Variants in NDST4 observed in about 807,000 individuals in gnomAD.
NDST4 encodes N-heparan sulfate sulfotransferase 4.
In NDST4, 63 loss-of-function variants were observed where a neutral mutation model predicts 100.8. The observed-to-expected ratio is 0.62, with a 90% confidence interval of 0.51 to 0.77. The LOEUF is 0.77. Ranked by LOEUF, NDST4 falls within the 30% of genes least tolerant of loss-of-function variation. The pLI is 0.00. For synonymous variants in NDST4, 377 were observed against 361.8 expected (o/e 1.04, Z -0.48); for missense variants, 943 against 1,018.4 (o/e 0.93, Z 1.01).
At chr4:115,063,719 C>T (rs1322093873) in intron 2 of NDST4, among the ~76,000 whole-genome samples, 1 of 151,802 alleles carries the variant, frequency 6.6e-6, no homozygotes, top group African/African-American at 2.4e-5. Context: ...CAGAAAATAT[C>T]CCAGTGGACT....
intron 6 of NDST4, among the ~76,000 whole-genome samples, chr4:114,895,427 T>C (rs1724692959): frequency 6.6e-6 from 1 of 152,052 alleles, no homozygotes; most frequent in Admixed American, 6.6e-5. Flanking sequence ...CTACCAAGAC[T>C]AAACCAGGAA....
At chr4:114,876,050 C>G (rs757661002) in intron 6 of NDST4, among the ~76,000 whole-genome samples, 1 of 152,088 alleles carries the variant, frequency 6.6e-6, no homozygotes, top group Non-Finnish European at 1.5e-5. Flanking sequence ...AAATCATGTG[C>G]AGAATAGTCA....
intron 2 of NDST4, among the ~76,000 whole-genome samples, chr4:114,986,585 A>G (rs929655592): frequency 2.0e-5 from 3 of 151,858 alleles, no homozygotes; most frequent in African/African-American, 7.3e-5. Flanking sequence ...ATTTCAGTTC[A>G]TAAAGATCAT....
At chr4:114,836,025 T>C (rs1446757564) in intron 11 of NDST4, among the ~76,000 whole-genome samples, 2 of 152,254 alleles carry the variant, frequency 1.3e-5, no homozygotes, top group East Asian at 3.8e-4. Flanking sequence ...GAGATGGGTC[T>C]CCTGAATACA....
intron 1 of NDST4, among the ~76,000 whole-genome samples, chr4:115,085,850 T>A (rs2126292978): frequency 6.6e-6 from 1 of 152,250 alleles, no homozygotes; most frequent in East Asian, 1.9e-4. Context: ...AAATTACAGG[T>A]CACCAACAAG....
chr4:114,864,058 T>A (rs1723973853), intron 7 of NDST4, among the ~76,000 whole-genome samples: 1 of 152,230 alleles, frequency 6.6e-6, no homozygotes, highest in Non-Finnish European at 1.5e-5. Flanking sequence ...ATCTAGTTAT[T>A]CAAAGTCTAC....
chr4:114,982,396 G>C (rs1364386597), intron 2 of NDST4, among the ~76,000 whole-genome samples: 1 of 152,114 alleles, frequency 6.6e-6, no homozygotes, highest in African/African-American at 2.4e-5. Context: ...GGTCATTCTT[G>C]CTATATTTTA....
At chr4:114,849,649 A>G (rs1418654246) in intron 8 of NDST4, among the ~76,000 whole-genome samples, 1 of 152,232 alleles carries the variant, frequency 6.6e-6, no homozygotes, top group Non-Finnish European at 1.5e-5. Flanking sequence ...AAGACATGTT[A>G]AAACACCTAG....
At chr4:115,057,755 CA>C (rs1353512928) in intron 2 of NDST4, among the ~76,000 whole-genome samples, 101 of 150,174 alleles carry the variant, frequency 6.7e-4, no homozygotes, top group African/African-American at 2.4e-3. Context: ...CACACACACA[CA>C]CACCAAAAAG....
intron 4 of NDST4, among the ~76,000 whole-genome samples, chr4:114,938,060 C>T (rs771330377): frequency 5.3e-5 from 8 of 152,114 alleles, no homozygotes; most frequent in Non-Finnish European, 7.4e-5. Context: ...GAAGAAGAAC[C>T]TAGTGACAGC....
intron 11 of NDST4, among the ~76,000 whole-genome samples, chr4:114,839,041 T>C (rs182809019): frequency 6.6e-6 from 1 of 152,272 alleles, no homozygotes; most frequent in African/African-American, 2.4e-5. Context: ...AGTTGAGAGT[T>C]GTTGCCCATA....
intron 1 of NDST4, among the ~76,000 whole-genome samples, chr4:115,111,228 G>A (rs547241939): frequency 2.0e-5 from 3 of 151,992 alleles, no homozygotes; most frequent in South Asian, 2.1e-4. Context: ...TATTTAGTAC[G>A]TTTAAGAACT....
At chr4:114,908,814 T>C (rs910791853) in intron 6 of NDST4, among the ~76,000 whole-genome samples, 1 of 152,206 alleles carries the variant, frequency 6.6e-6, no homozygotes, top group Non-Finnish European at 1.5e-5. Flanking sequence ...ATTAAGTCCA[T>C]ACTTTAAATA....
Position 114,986,793 on chromosome 4 carries a change from C to CATATGTATAT in NDST4, c.979-9520_979-9519insATATACATAT, listed in dbSNP as rs1218840726. The stretch of plus-strand genomic sequence containing the variant: ...CCTCTAAGCCTGGTATCCAATTATA[C>CATATGTATAT]ATATATATATATATATATATATATA... On this transcript the variant is annotated intron_variant, in intron 2 of 13. Transcript: ENST00000264363. 1.4e-3 allele frequency among the ~76,000 whole-genome samples: 127 copies of CATATGTATAT among 91,124 alleles called. 5 individuals carry two copies. The highest frequency in any genetic ancestry group is 5.4e-3 in the African/African-American group (120 of 22,098). The allele number at this position is 91,124 out of a possible 152,430, so 59.8% of individuals were successfully genotyped here. A position where few individuals can be genotyped will look rare whatever the true frequency, so the allele number is the denominator to read the frequency against.
intron 2 of NDST4, among the ~76,000 whole-genome samples, chr4:115,021,171 A>G (rs1339551734): frequency 6.6e-6 from 1 of 151,890 alleles, no homozygotes; most frequent in Non-Finnish European, 1.5e-5. Flanking sequence ...ATGCCCATCA[A>G]TCAGTGAGTG....
chr4:115,067,193 C>T (rs1728967696), intron 2 of NDST4, among the ~76,000 whole-genome samples: 1 of 152,128 alleles, frequency 6.6e-6, no homozygotes, highest in South Asian at 2.1e-4. Flanking sequence ...GCCATCCACC[C>T]AATTCTTGCT....
chr4:114,952,296 G>A (rs990584366), intron 4 of NDST4, among the ~76,000 whole-genome samples: 1 of 152,072 alleles, frequency 6.6e-6, no homozygotes, highest in Admixed American at 6.6e-5. Flanking sequence ...TTTGTAGGGG[G>A]CATTTATGTC....
At chr4:114,843,431 T>C (rs1723474617) in intron 10 of NDST4, among the ~76,000 whole-genome samples, 1 of 152,246 alleles carries the variant, frequency 6.6e-6, no homozygotes, top group African/African-American at 2.4e-5. Flanking sequence ...CTACAGATCA[T>C]GTTTTCTCAG....
At chr4:115,035,682 T>C (rs1436690269) in intron 2 of NDST4, among the ~76,000 whole-genome samples, 2 of 152,054 alleles carry the variant, frequency 1.3e-5, no homozygotes, top group Non-Finnish European at 2.9e-5. Context: ...AGTTGACTTT[T>C]ATTCTATATG....
Sources: allele counts gnomAD v4.1 joint callset (sites outside exome capture counted in the v4.1 genomes callset), GRCh38; gene constraint gnomAD v4.1.1; transcripts MANE v1.5; gene names NCBI Gene and HGNC (gene_info 2026-07-23, HGNC 2026-07-21).